The following GPRC5D variants were observed in gnomAD, a reference collection of about 807,000 sequenced individuals.
GPRC5D encodes G protein-coupled receptor family C group 5 member D.
In GPRC5D, 20 loss-of-function variants were observed where a neutral mutation model predicts 29.3. The observed-to-expected ratio is 0.68, with a 90% CI of 0.48 to 0.99. The LOEUF is 0.99. GPRC5D is among the 50% of genes least tolerant of loss of function. The pLI, the probability that GPRC5D is intolerant of heterozygous loss-of-function variation, is 0.00. For missense variants in GPRC5D, 384 were observed against 423.6 expected (o/e 0.91, Z 0.82); for synonymous variants, 178 against 171.3 (o/e 1.04, Z -0.30).
At chr12:12,942,152 T>A (rs1006156685) in intron 2 of GPRC5D, 109 bp downstream of exon 3, 2 of 775,298 alleles carry the variant, frequency 2.6e-6, no homozygotes, top group Admixed American at 2.0e-5. Flanking sequence ...TCCTGCTCTG[T>A]CTCTCCTCTC....
chr12:12,943,315 G>C (rs537610531), intron 1 of GPRC5D, among the ~76,000 whole-genome samples: 5 of 152,106 alleles, frequency 3.3e-5, no homozygotes, highest in South Asian at 2.1e-4. Flanking sequence ...GTGTTAGTAG[G>C]GTTCACACTT....
At chr12:12,942,658 C>G (rs1863183636) in intron 1 of GPRC5D, among the ~76,000 whole-genome samples, 7 of 152,164 alleles carry the variant, frequency 4.6e-5, no homozygotes, top group Admixed American at 3.9e-4. Flanking sequence ...TTTCTTGAAC[C>G]TGGGAGGCGG....
chr12:12,943,210 G>A (rs1280989195), intron 1 of GPRC5D, among the ~76,000 whole-genome samples: 3 of 152,192 alleles, frequency 2.0e-5, no homozygotes, highest in Admixed American at 2.0e-4. Flanking sequence ...TCCTCAACCA[G>A]CCTGTAAGCT....
chr12:12,947,847 A>G (rs189389085), intron 1 of GPRC5D, among the ~76,000 whole-genome samples: 1 of 152,308 alleles, frequency 6.6e-6, no homozygotes, highest in African/African-American at 2.4e-5. Flanking sequence ...TGTGAGCCAC[A>G]GAGCCCAGCC....
chr12:12,950,490 A>G (rs1447960263), upstream of GPRC5D: 1 of 788,872 alleles, frequency 1.3e-6, no homozygotes. Flanking sequence ...TGCAAAAGTA[A>G]TTGTGCTTTT....
rs542838196 is a variant in GPRC5D, at chr12:12,940,946, C to G, written c.964-97G>C. On this transcript the variant is annotated intron_variant, in intron 2 of 2. Transcript: ENST00000228887. ...TTGTTTTTTGAGACAGAGTCTTGCTCTGTCACCCAGGCTGGAGTGCAGTGG... is the reference window on the plus strand; with the variant it reads ...TTGTTTTTTGAGACAGAGTCTTGCTGTGTCACCCAGGCTGGAGTGCAGTGG... 755 of 792,522 alleles carry G rather than the reference C, an allele frequency of 9.5e-4. 7 individuals carry two copies. Among genetic ancestry groups the G allele is most frequent in the South Asian group, 8.6e-3 (605 of 70,582 alleles). The allele number at this position is 792,522 out of a possible 1,614,324, so 49.1% of individuals were successfully genotyped here. A position where few individuals can be genotyped will look rare whatever the true frequency, so the allele number is the denominator to read the frequency against.
chr12:12,940,796 C>G, exon 3 of GPRC5D: 4 of 1,606,740 alleles, frequency 2.5e-6, no homozygotes, highest in Non-Finnish European at 3.4e-6. Context: ...CTGCATCTTG[C>G]TGGGGGCTTA....
At chr12:12,941,754 G>T (rs1186495721) in intron 2 of GPRC5D, among the ~76,000 whole-genome samples, 2 of 152,172 alleles carry the variant, frequency 1.3e-5, no homozygotes, top group Non-Finnish European at 2.9e-5. Context: ...ATTAAAATTT[G>T]TTCATCCATC....
Position 12,949,436 on chromosome 12 carries a change from C to G in GPRC5D, c.895+54G>C, listed in dbSNP as rs144924305. On this transcript the variant is annotated intron_variant, in intron 1 of 2. Coordinates refer to ENST00000228887, the Ensembl canonical transcript of GPRC5D. ...GCTCATCCTACTGCATGATTTTTCT[C>G]CTGCTTCTCCTGTAGGAGCACCTCC... is the stretch of plus-strand genomic sequence containing the variant. 293 of 1,464,124 alleles carry G rather than the reference C, an allele frequency of 2.0e-4. 6 individuals are homozygous for G. In the African/African-American group the frequency reaches 2.8e-3, roughly 14 times the overall value. 90.7% of individuals were successfully genotyped at this position (1,464,124 alleles called of 1,614,324 possible).
intron 1 of GPRC5D, among the ~76,000 whole-genome samples, chr12:12,944,780 C>T (rs1427116240): frequency 3.0e-5 from 1 of 33,436 alleles, no homozygotes; most frequent in African/African-American, 5.3e-5. Flanking sequence ...TTTCTTCCTT[C>T]CTTCCTTCCT....
rs1863436146 is a variant in GPRC5D at position 12,949,660 on chromosome 12, A to AC, written c.724dup (p.Val242GlyfsTer20). ...TGCGTTGGTGACCAGAGCAATGCAGACGACCGGGTCGTCCCACTGGGGCTG... is the reference window on the plus strand; with the variant it reads ...TGCGTTGGTGACCAGAGCAATGCAGACCGACCGGGTCGTCCCACTGGGGCTG... On this transcript the variant is annotated frameshift_variant, in exon 1 of 3. Transcript: ENST00000228887. LOFTEE classifies it high-confidence loss of function. 1.2e-6 allele frequency: 2 copies of AC among 1,614,052 alleles called. No homozygotes were observed. Among genetic ancestry groups the AC allele is most frequent in the Non-Finnish European group, 1.7e-6 (2 of 1,180,028 alleles).
rs1271666214 is a variant in GPRC5D, at chr12:12,944,804, T to C, written c.896-2476A>G. On this transcript the variant is annotated intron_variant, in intron 1 of 2. Coordinates refer to ENST00000228887, the Ensembl canonical transcript of GPRC5D. ...TCCTTCCTTCCTTCCTTCCTTCCCT[T>C]CCTTCCTTCCTTCCTTCCTTCCTTC... is the stretch of plus-strand genomic sequence containing the variant. Among the ~76,000 whole-genome samples the C allele has an allele frequency of 1.1e-3, 8 of 7,564 alleles. 1 individual carries two copies. The highest frequency in any genetic ancestry group is 2.1e-3 in the Non-Finnish European group (4 of 1,920). 5.0% of individuals were successfully genotyped at this position (7,564 alleles called of 152,430 possible). A position where few individuals can be genotyped will look rare whatever the true frequency, so the allele number is the denominator to read the frequency against.
chr12:12,949,826 C>CGAAGAATGT, exon 1 of GPRC5D: 1 of 1,614,044 alleles, frequency 6.2e-7, no homozygotes, highest in Non-Finnish European at 8.5e-7. Context: ...GCTTTGGAGA[C>CGAAGAATGT]GAAGAATGTG....
At chr12:12,941,426 A>G (rs1428771679) in intron 2 of GPRC5D, among the ~76,000 whole-genome samples, 1 of 152,196 alleles carries the variant, frequency 6.6e-6, no homozygotes, top group African/African-American at 2.4e-5. Context: ...CATTATGTAA[A>G]TGCCCTCCTG....
chr12:12,950,931 C>T (rs1863480519), upstream of GPRC5D, among the ~76,000 whole-genome samples: 1 of 151,948 alleles, frequency 6.6e-6, no homozygotes, highest in South Asian at 2.1e-4. Flanking sequence ...ATGGTGAAAC[C>T]CCATCTCTAC....
chr12:12,944,821 CCTT>C (rs1863244522), intron 1 of GPRC5D, among the ~76,000 whole-genome samples: 2 of 13,432 alleles, frequency 1.5e-4, no homozygotes, highest in Admixed American at 1.6e-3. Context: ...TTCCTTCCTT[CCTT>C]CCTTCCTTCC....
chr12:12,944,318 G>C (rs1435409262), intron 1 of GPRC5D: 1 of 152,076 alleles, frequency 6.6e-6, no homozygotes, highest in East Asian at 1.9e-4. Context: ...TCTGTCCTCA[G>C]ACCAAACAAA....
At chr12:12,944,692 T>G (rs185431256) in intron 1 of GPRC5D, among the ~76,000 whole-genome samples, 1 of 152,122 alleles carries the variant, frequency 6.6e-6, no homozygotes, top group East Asian at 1.9e-4. Flanking sequence ...TTTGTCTGTA[T>G]GCATCCAAAC....
intron 2 of GPRC5D, among the ~76,000 whole-genome samples, chr12:12,941,594 T>G (rs1391579727): frequency 6.6e-6 from 1 of 152,202 alleles, no homozygotes; most frequent in African/African-American, 2.4e-5. Context: ...CGTTGGGGCT[T>G]TAGTTACTTT....
Sources: allele counts gnomAD v4.1 joint callset (sites outside exome capture counted in the v4.1 genomes callset), GRCh38; gene constraint gnomAD v4.1.1; transcripts MANE v1.5; gene names NCBI Gene and HGNC (gene_info 2026-07-23, HGNC 2026-07-21).